Variants in USP32 observed in about 807,000 individuals in gnomAD.
The protein encoded by USP32 is ubiquitin carboxyl-terminal hydrolase 32.
USP32 carries 59 observed loss-of-function variants against 204.8 expected under a neutral mutation model. The ratio of observed to expected loss-of-function variants is 0.29; its 90% confidence interval spans 0.23 to 0.36. The LOEUF (loss-of-function observed/expected upper bound fraction) is 0.36. USP32 is among the 10% of genes least tolerant of loss of function. The probability of loss-of-function intolerance (pLI) is 1.00; values close to 1 mark genes in which losing one functional copy is unlikely to be tolerated. For missense variants in USP32, 1,160 were observed against 1,946.4 expected, an observed-to-expected ratio of 0.60 and a Z score of 7.60; for synonymous variants, 517 against 678.4, an observed-to-expected ratio of 0.76 and a Z score of 3.70.
At chr17:60,383,486 A>G (rs2089680376) in intron 1 of USP32, among the ~76,000 whole-genome samples, 1 of 152,226 alleles carries the variant, frequency 6.6e-6, no homozygotes, top group Admixed American at 6.5e-5. Context: ...CTGGGGATTC[A>G]GCAACAGACC....
intron 1 of USP32, 61 bp downstream of exon 1, chr17:60,391,821 A>T (rs1364043104): frequency 7.3e-7 from 1 of 1,372,724 alleles, no homozygotes; most frequent in South Asian, 1.3e-5. Context: ...CCGGTTACCC[A>T]CCCTCCAGGC....
rs74346664 is a variant in USP32, at chr17:60,263,543, T to C, written c.990+1869A>G. ...GAAATGAAGCAGCTAAATGATCTTG[T>C]TTAATGTTCACAGAAGAGCCAGAAG... On this transcript the variant is annotated intron_variant, in intron 9 of 33. Coordinates refer to ENST00000300896, the MANE Select transcript of USP32 (RefSeq NM_032582.4). 1.1e-3 allele frequency among the ~76,000 whole-genome samples: 168 copies of C among 152,356 alleles called. 1 individual carries two copies. The highest frequency in any genetic ancestry group is 3.1e-3 in the African/African-American group (128 of 41,586).
At chr17:60,264,531 CA>C (rs112994170) in intron 9 of USP32, among the ~76,000 whole-genome samples, 10,385 of 135,208 alleles carry the variant, frequency 0.077, 1,165 homozygotes, top group African/African-American at 0.25. Context: ...AACAAACAGA[CA>C]AAAAAAAAAA....
intron 5 of USP32, among the ~76,000 whole-genome samples, chr17:60,272,901 T>C (rs544004388): frequency 1.4e-4 from 22 of 152,306 alleles, no homozygotes; most frequent in African/African-American, 5.3e-4. Flanking sequence ...TTTGGCAGAA[T>C]AGTAAGCTGT....
chr17:60,393,517 G>A (rs551555281), upstream of USP32, among the ~76,000 whole-genome samples: 1 of 152,110 alleles, frequency 6.6e-6, no homozygotes, highest in East Asian at 1.9e-4. Context: ...TAAAAGTCAC[G>A]GAATAAAGCT....
chr17:60,418,142 G>C (rs1376545346), intron 1 of USP32, among the ~76,000 whole-genome samples: 1 of 151,890 alleles, frequency 6.6e-6, no homozygotes, highest in Admixed American at 6.6e-5. Context: ...ATTTTTAGTA[G>C]AGACGGGGTT....
At chr17:60,280,398 A>G (rs2086941672) in intron 5 of USP32, among the ~76,000 whole-genome samples, 1 of 152,030 alleles carries the variant, frequency 6.6e-6, no homozygotes, top group South Asian at 2.1e-4. Context: ...CACCTGGCCA[A>G]ATCAAGTAAG....
At chr17:60,190,421 A>G in intron 29 of USP32, 142 bp downstream of exon 29, 1 of 1,171,818 alleles carries the variant, frequency 8.5e-7, no homozygotes, top group Non-Finnish European at 1.1e-6. Flanking sequence ...AAACATGTCA[A>G]TATATTAGGT....
At chr17:60,321,189 A>C (rs1359962237) in intron 2 of USP32, among the ~76,000 whole-genome samples, 1 of 152,230 alleles carries the variant, frequency 6.6e-6, no homozygotes. Context: ...ATGAATGGAT[A>C]TAAGCCTAAA....
Position 60,367,981 on chromosome 17 carries a change from G to A in USP32, c.59-22373C>T, listed in dbSNP as rs373196276. Among the ~76,000 whole-genome samples, 3 of 151,982 alleles carry A rather than the reference G, an allele frequency of 2.0e-5. No individual in the cohort carries two copies. The South Asian group carries it at 6.2e-4, about 32-fold the overall frequency. ...AATTATAAGTAATCTAGAGATAACA[G>A]GAGGCTCTGCTTAGGTTACATGCAA... On this transcript the variant is annotated intron_variant, in intron 1 of 33. Transcript: ENST00000300896.
intron 1 of USP32, among the ~76,000 whole-genome samples, chr17:60,403,810 C>T (rs998629875): frequency 3.9e-5 from 6 of 152,016 alleles, no homozygotes; most frequent in African/African-American, 7.2e-5. Flanking sequence ...GAGGCCAAGG[C>T]GGGAGTATTG....
intron 1 of USP32, among the ~76,000 whole-genome samples, chr17:60,415,424 C>G (rs2090052413): frequency 6.6e-6 from 1 of 152,214 alleles, no homozygotes; most frequent in Non-Finnish European, 1.5e-5. Flanking sequence ...TGAAGGCTTC[C>G]ATGGGTTAAA....
At position 60,231,864 on chromosome 17, in the gene USP32, G is replaced by A. The variant is rs577746094; in HGVS notation, c.1239+4274C>T. On this transcript the variant is annotated intron_variant, in intron 12 of 33. Coordinates refer to ENST00000300896, the MANE Select transcript of USP32 (RefSeq NM_032582.4). ...AGAATAAAGCTTGACACATTAAAGC[G>A]GGGAAAGACTGGTAAGATTCCATGA... is the stretch of plus-strand genomic sequence containing the variant. Among the ~76,000 whole-genome samples, 11 of 152,200 alleles carry A rather than the reference G, an allele frequency of 7.2e-5. No homozygotes were observed. The East Asian group carries it at 1.7e-3, about 24-fold the overall frequency.
At chr17:60,249,862 T>C in intron 11 of USP32, 1 of 554,152 alleles carries the variant, frequency 1.8e-6, no homozygotes, top group Non-Finnish European at 3.3e-6. Context: ...TTTTTTTTTT[T>C]AACAACGTAC....
intron 1 of USP32, among the ~76,000 whole-genome samples, chr17:60,381,855 T>A (rs2089652274): frequency 1.3e-5 from 2 of 152,240 alleles, no homozygotes; most frequent in South Asian, 4.1e-4. Flanking sequence ...AGCACCCCAG[T>A]AGGCTCTCTC....
chr17:60,404,029 G>A (rs2089956917), intron 1 of USP32, among the ~76,000 whole-genome samples: 2 of 143,906 alleles, frequency 1.4e-5, no homozygotes, highest in Admixed American at 1.4e-4. Flanking sequence ...GACAGGGCGA[G>A]ACCCTGCCTC....
chr17:60,415,271 T>TA (rs1221965983), intron 1 of USP32, among the ~76,000 whole-genome samples: 1 of 152,214 alleles, frequency 6.6e-6, no homozygotes, highest in Non-Finnish European at 1.5e-5. Context: ...TCAAATATCT[T>TA]ACTGGCCTTC....
intron 4 of USP32, among the ~76,000 whole-genome samples, chr17:60,289,525 G>A (rs1437627601): frequency 1.3e-5 from 2 of 152,188 alleles, no homozygotes; most frequent in Non-Finnish European, 1.5e-5. Flanking sequence ...AAACATGTAT[G>A]TACACAGAGA....
chr17:60,413,886 A>G (rs1265445554), intron 1 of USP32, among the ~76,000 whole-genome samples: 2 of 150,940 alleles, frequency 1.3e-5, no homozygotes, highest in Non-Finnish European at 3.0e-5. Context: ...GAAAAAAAAA[A>G]AAAAAAAAAG....
Sources: gnomAD v4.1 joint callset for allele counts (sites outside exome capture counted in the v4.1 genomes callset) on GRCh38, gnomAD v4.1.1 for gene constraint, MANE v1.5 for transcripts, NCBI Gene and HGNC (gene_info 2026-07-23, HGNC 2026-07-21) for gene names.